GPR139: variants seen among roughly 807,000 people sequenced by gnomAD.
GPR139 encodes the protein probable G protein-coupled receptor 139.
GPR139 carries 12 observed loss-of-function variants against 25.8 expected under a neutral mutation model. The ratio of observed to expected loss-of-function variants is 0.47; its 90% CI spans 0.30 to 0.75. The LOEUF is 0.75. Among genes scored for constraint, GPR139 ranks in the 30% least tolerant of loss-of-function variants. The probability of loss-of-function intolerance (pLI) is 0.07; values close to 1 mark genes in which losing one functional copy is unlikely to be tolerated. For synonymous variants in GPR139, 184 were observed against 179.9 expected (o/e 1.02, Z -0.18); for missense variants, 380 against 450.2 (o/e 0.84, Z 1.41).
intron 1 of GPR139, among the ~76,000 whole-genome samples, chr16:20,038,329 ATGTGTGTGTGTGTG>A (rs1555465698): frequency 0.022 from 2,104 of 95,948 alleles, 46 homozygotes; most frequent in African/African-American, 0.064. Flanking sequence ...TAATATATAT[ATGTGTGTGTGTGTG>A]TGTGTGTGTG....
At chr16:20,056,265 A>G (rs1020763132) in intron 1 of GPR139, among the ~76,000 whole-genome samples, 1 of 152,204 alleles carries the variant, frequency 6.6e-6, no homozygotes, top group African/African-American at 2.4e-5. Flanking sequence ...TTTGCACGTC[A>G]TACATCAGTC....
intron 1 of GPR139, among the ~76,000 whole-genome samples, chr16:20,033,455 C>A (rs957104035): frequency 7.2e-5 from 11 of 152,184 alleles, no homozygotes; most frequent in African/African-American, 1.4e-4. Flanking sequence ...GATCCCAAAT[C>A]TCATGCTTTT....
chr16:20,065,258 C>A (rs2057427590), intron 1 of GPR139, among the ~76,000 whole-genome samples: 1 of 152,168 alleles, frequency 6.6e-6, no homozygotes, highest in South Asian at 2.1e-4. Context: ...ATGGACATTT[C>A]ATATAAAAAT....
At position 20,031,913 on chromosome 16, in the gene GPR139, A is replaced by T; in HGVS notation, c.884T>A (p.Met295Lys). Residue 295 changes from methionine (M) to lysine (K), a missense_variant, in exon 2 of 2, where the codon ATG (methionine) becomes AAG (lysine). Coordinates refer to ENST00000570682, the MANE Select transcript of GPR139 (RefSeq NM_001002911.4). ...YCFISKRFRTMAAATLKAFFK... is the reference protein window; with the variant it reads ...YCFISKRFRTKAAATLKAFFK... ...GAAAGCCTTGAGCGTGGCGGCTGCC[A>T]TGGTGCGGAACCGCTTGCTGATGAA... is the stretch of plus-strand genomic sequence containing the variant. 1.2e-5 allele frequency: 19 copies of T among 1,614,268 alleles called. No individual in the cohort carries two copies. Among genetic ancestry groups the T allele is most frequent in the Non-Finnish European group, 1.6e-5 (19 of 1,180,050 alleles).
At chr16:20,066,976 T>C (rs1378508372) in intron 1 of GPR139, among the ~76,000 whole-genome samples, 2 of 152,170 alleles carry the variant, frequency 1.3e-5, no homozygotes, top group African/African-American at 4.8e-5. Context: ...ACCACTGGGC[T>C]TAACTGCTAA....
intron 1 of GPR139, among the ~76,000 whole-genome samples, chr16:20,065,151 C>T (rs1318375345): frequency 2.0e-5 from 3 of 152,086 alleles, no homozygotes; most frequent in Non-Finnish European, 4.4e-5. Context: ...GCGTGCTGGG[C>T]CATATCAAGC....
At chr16:20,071,009 C>G in intron 1 of GPR139, 2 of 985,402 alleles carry the variant, frequency 2.0e-6, no homozygotes, top group Non-Finnish European at 1.2e-6. Flanking sequence ...ACAACTTGAT[C>G]GGCTTCATGA....
At chr16:20,034,384 C>G (rs982576532) in intron 1 of GPR139, among the ~76,000 whole-genome samples, 7 of 152,210 alleles carry the variant, frequency 4.6e-5, no homozygotes, top group Admixed American at 2.6e-4. Context: ...CTTCAGCTCT[C>G]TTTAAAGAAA....
chr16:20,038,479 C>A (rs1201567172), intron 1 of GPR139, among the ~76,000 whole-genome samples: 1 of 151,942 alleles, frequency 6.6e-6, no homozygotes, highest in Admixed American at 6.6e-5. Flanking sequence ...GTATTCCAAC[C>A]CCATCTAATT....
chr16:20,036,155 G>C lies in GPR139; in HGVS notation c.128-3486C>G, dbSNP rs193177138. Among the ~76,000 whole-genome samples the C allele has an allele frequency of 9.2e-5, 14 of 152,228 alleles. No individual in the cohort carries two copies. In the East Asian group the frequency reaches 2.7e-3, roughly 29 times the overall value. On this transcript the variant is annotated intron_variant, in intron 1 of 1. Coordinates refer to ENST00000570682, the MANE Select transcript of GPR139 (RefSeq NM_001002911.4). Reference sequence around the variant, plus strand: ...AAAGAAGGACAAAACTTTGGTGAAGGGCCCTGATTAAAGGCTTGGTTTCCA... The same window carrying C: ...AAAGAAGGACAAAACTTTGGTGAAGCGCCCTGATTAAAGGCTTGGTTTCCA...
chr16:20,056,080 G>C (rs910176355), intron 1 of GPR139, among the ~76,000 whole-genome samples: 1 of 152,216 alleles, frequency 6.6e-6, no homozygotes, highest in Non-Finnish European at 1.5e-5. Flanking sequence ...TTCAGCCATG[G>C]ATACTGTGAA....
chr16:20,068,610 G>C (rs1409128957), intron 1 of GPR139, among the ~76,000 whole-genome samples: 1 of 151,900 alleles, frequency 6.6e-6, no homozygotes, highest in Non-Finnish European at 1.5e-5. Context: ...TCTTTTTCTT[G>C]CCTTATTGCA....
At chr16:20,036,007 G>A (rs1328445580) in intron 1 of GPR139, among the ~76,000 whole-genome samples, 2 of 152,106 alleles carry the variant, frequency 1.3e-5, no homozygotes, top group Non-Finnish European at 2.9e-5. Flanking sequence ...ATATACATTG[G>A]GTACTCTTGT....
chr16:20,069,654 CT>C (rs2057452532), intron 1 of GPR139, among the ~76,000 whole-genome samples: 1 of 152,204 alleles, frequency 6.6e-6, no homozygotes, highest in Non-Finnish European at 1.5e-5. Context: ...AAGCTATCAT[CT>C]CTTTCCTCAC....
chr16:20,056,521 C>T (rs980715395), intron 1 of GPR139, among the ~76,000 whole-genome samples: 5 of 152,174 alleles, frequency 3.3e-5, no homozygotes, highest in Non-Finnish European at 7.3e-5. Context: ...AATGTAGCTT[C>T]GGTTTTCAGT....
In GPR139 at chr16:20,061,227, G is replaced by GTGGA. The variant is rs57097613; in HGVS notation, c.127+12259_127+12262dup. Among the ~76,000 whole-genome samples the GTGGA allele has an allele frequency of 6.9e-3, 538 of 77,818 alleles. 5 individuals carry two copies. Among genetic ancestry groups the GTGGA allele is most frequent in the South Asian group, 0.027 (67 of 2,470 alleles). 51.1% of individuals were successfully genotyped at this position (77,818 alleles called of 152,430 possible). A position where few individuals can be genotyped will look rare whatever the true frequency, so the allele number is the denominator to read the frequency against. On this transcript the variant is annotated intron_variant, in intron 1 of 1. Coordinates refer to ENST00000570682, the MANE Select transcript of GPR139 (RefSeq NM_001002911.4). ...GATGGATGGATGGATGGATGGATGT[G>GTGGA]TGGATGGATGGATGGATGGATGGAT... is the stretch of plus-strand genomic sequence containing the variant.
At chr16:20,034,933 CAAAGTTAAT>C (rs1223320025) in intron 1 of GPR139, among the ~76,000 whole-genome samples, 1 of 151,556 alleles carries the variant, frequency 6.6e-6, no homozygotes, top group Non-Finnish European at 1.5e-5. Flanking sequence ...TGTTATAAAC[CAAAGTTAAT>C]ATCTTGACAT....
At position 20,031,924 on chromosome 16, in the gene GPR139, C is replaced by T; in HGVS notation, c.873G>A (p.Arg291=). The T allele has an allele frequency of 6.2e-7, 1 of 1,614,192 alleles. No individual in the cohort carries two copies. Among genetic ancestry groups the T allele is most frequent in the Non-Finnish European group, 8.5e-7 (1 of 1,180,040 alleles). The change falls in exon 2 of 2, where the codon CGG becomes CGA. Residue 291 remains arginine (R), a synonymous_variant. Coordinates refer to ENST00000570682, the MANE Select transcript of GPR139 (RefSeq NM_001002911.4). ...GCGTGGCGGCTGCCATGGTGCGGAA[C>T]CGCTTGCTGATGAAGCAGTAGAGGA... ...NFFLYCFISK[R]FRTMAAATLK...
Position 20,030,436 on chromosome 16 carries a change from G to A in GPR139, c.*1299C>T, listed in dbSNP as rs2057283675. 6.6e-6 allele frequency among the ~76,000 whole-genome samples: 1 copy of A among 152,176 alleles called. No individual in the cohort carries two copies. Among genetic ancestry groups the A allele is most frequent in the East Asian group, 1.9e-4 (1 of 5,192 alleles). ...ATAAGACGAATATAATCATGTGTGT[G>A]TGTGTGCTGCACACATAAGTAGCAA... On this transcript the variant is annotated 3_prime_UTR_variant, in exon 2 of 2. Transcript: ENST00000570682.
Sources: allele counts gnomAD v4.1 joint callset (sites outside exome capture counted in the v4.1 genomes callset), GRCh38; gene constraint gnomAD v4.1.1; transcripts MANE v1.5; gene names NCBI Gene and HGNC (gene_info 2026-07-23, HGNC 2026-07-21).